RANBP17: variants seen among roughly 807,000 people sequenced by gnomAD.
RANBP17 encodes ran-binding protein 17.
A neutral mutation model predicts 141.2 loss-of-function variants in RANBP17; 158 were observed. The ratio of observed to expected loss-of-function variants is 1.12; its 90% confidence interval spans 0.98 to 1.28. The LOEUF (loss-of-function observed/expected upper bound fraction) is 1.28, where lower values mean the gene tolerates loss of function less well. Ranked by LOEUF, RANBP17 falls within the 50% of genes most tolerant of loss-of-function variation. RANBP17 has a pLI of 0.00. For missense variants in RANBP17, 1,438 were observed against 1,290.7 expected (o/e 1.11, Z -1.75); for synonymous variants, 430 against 450.0 (o/e 0.96, Z 0.56).
intron 14 of RANBP17, among the ~76,000 whole-genome samples, chr5:171,089,526 G>A (rs1480308045): frequency 4.6e-5 from 7 of 152,008 alleles, no homozygotes; most frequent in African/African-American, 1.4e-4. Context: ...ACCTAAGCAA[G>A]CCTGGGCAAT....
intron 14 of RANBP17, among the ~76,000 whole-genome samples, chr5:171,168,862 CT>C (rs893990989): frequency 1.3e-5 from 2 of 151,994 alleles, no homozygotes; most frequent in African/African-American, 2.4e-5. Context: ...CTCTCTCTCT[CT>C]TTCTTCCCCA....
At chr5:171,147,921 G>A (rs1758178298) in intron 14 of RANBP17, among the ~76,000 whole-genome samples, 1 of 152,214 alleles carries the variant, frequency 6.6e-6, no homozygotes, top group Non-Finnish European at 1.5e-5. Context: ...GGGCCATGAT[G>A]ACAATGGCGG....
At chr5:170,862,289 C>T (rs972009964) in intron 1 of RANBP17, among the ~76,000 whole-genome samples, 16 of 149,290 alleles carry the variant, frequency 1.1e-4, no homozygotes, top group Non-Finnish European at 1.8e-4. Flanking sequence ...TTGGAGGCGG[C>T]GGGTGGAGGG....
chr5:171,251,369 C>T (rs779118742), intron 24 of RANBP17, among the ~76,000 whole-genome samples: 1 of 152,020 alleles, frequency 6.6e-6, no homozygotes, highest in African/African-American at 2.4e-5. Context: ...CATGAGCCAC[C>T]GCACCTGGCC....
Position 171,278,063 on chromosome 5 carries a change from A to G in RANBP17, c.2943+12216A>G, listed in dbSNP as rs558267062. Among the ~76,000 whole-genome samples the G allele has an allele frequency of 5.4e-5, 8 of 148,018 alleles. No individual in the cohort carries two copies. The East Asian group carries it at 1.4e-3, about 26-fold the overall frequency. The stretch of plus-strand genomic sequence containing the variant: ...CCCTAGATTTAGAAACTGGCACTTA[A>G]CAGATGCTGGTTGCCAGGCACAGTG... On this transcript the variant is annotated intron_variant, in intron 25 of 27. Transcript: ENST00000523189.
chr5:171,199,572 C>T (rs564372869), intron 18 of RANBP17, 98 bp from the exon 19 acceptor site: 18 of 653,614 alleles, frequency 2.8e-5, no homozygotes, highest in Non-Finnish European at 4.1e-5. Context: ...GACCCCTTCT[C>T]GGGAATATTT....
chr5:171,296,197 C>T (rs1360729259), intron 27 of RANBP17, among the ~76,000 whole-genome samples, 183 bp downstream of exon 27: 2 of 152,162 alleles, frequency 1.3e-5, no homozygotes, highest in Non-Finnish European at 2.9e-5. Flanking sequence ...CTCCAGGCGT[C>T]ATACTAGGCA....
rs1763041509 is a variant in RANBP17, at chr5:171,213,631, G to T, written c.2232G>T (p.Met744Ile). 1 of 1,610,628 alleles carries T rather than the reference G, an allele frequency of 6.2e-7. No homozygotes were observed. The highest frequency in any genetic ancestry group is 1.1e-5 in the South Asian group (1 of 90,964). Residue 744 changes from methionine (M) to isoleucine (I), a missense_variant and splice_region_variant, in exon 21 of 28, where the codon ATG (methionine) becomes ATT (isoleucine). Met to Ile is a conservative substitution (Grantham distance 10). Coordinates refer to ENST00000523189, the MANE Select transcript of RANBP17 (RefSeq NM_022897.5). ...AATTCTTTAACAGGCTTTATAAAAG[G>T]TACCCAACGTACCTTCCCCTTCTTC... is the stretch of plus-strand genomic sequence containing the variant. ...KTSYTMLFDW[M>I]YPTYLPLLQN...
intron 14 of RANBP17, among the ~76,000 whole-genome samples, chr5:170,994,066 A>G (rs571860052): frequency 1.3e-5 from 2 of 151,904 alleles, no homozygotes; most frequent in Non-Finnish European, 2.9e-5. Flanking sequence ...GGAAATACCT[A>G]CTTATGTTTT....
intron 5 of RANBP17, among the ~76,000 whole-genome samples, chr5:170,904,838 C>G (rs1770945289): frequency 6.6e-6 from 1 of 151,950 alleles, no homozygotes; most frequent in South Asian, 2.1e-4. Context: ...TTTAAATTCT[C>G]CTGATTCTGT....
chr5:171,285,316 C>T (rs1304218070), intron 25 of RANBP17, among the ~76,000 whole-genome samples: 1 of 152,196 alleles, frequency 6.6e-6, no homozygotes, highest in Non-Finnish European at 1.5e-5. Flanking sequence ...CCCCCAGAGG[C>T]TGGTATAGGC....
intron 14 of RANBP17, among the ~76,000 whole-genome samples, chr5:171,022,305 A>G (rs1163454622): frequency 2.0e-5 from 3 of 152,196 alleles, no homozygotes; most frequent in African/African-American, 7.2e-5. Context: ...CATTTAATGA[A>G]GCACTTTGTC....
At chr5:171,199,445 A>G (rs1209145969) in intron 18 of RANBP17, among the ~76,000 whole-genome samples, 2 of 151,534 alleles carry the variant, frequency 1.3e-5, no homozygotes, top group Admixed American at 6.6e-5. Flanking sequence ...AGAACCAGGA[A>G]AAAAAAAATG....
At chr5:171,105,306 C>T (rs245777) in intron 14 of RANBP17, among the ~76,000 whole-genome samples, 87,541 of 141,052 alleles carry the variant, frequency 0.62, 28,128 homozygotes, top group South Asian at 0.88. Context: ...GGCGTGAACC[C>T]GGGAGGCGGA....
chr5:171,212,632 A>G (rs1581036082), intron 20 of RANBP17, among the ~76,000 whole-genome samples: 1 of 152,238 alleles, frequency 6.6e-6, no homozygotes, highest in Admixed American at 6.5e-5. Context: ...TGACCTCACC[A>G]TGGAGATTTC....
chr5:171,035,326 T>A (rs997842345), intron 14 of RANBP17, among the ~76,000 whole-genome samples: 2 of 152,126 alleles, frequency 1.3e-5, no homozygotes, highest in African/African-American at 4.8e-5. Flanking sequence ...CATAAGAAAT[T>A]AAACATGATA....
intron 14 of RANBP17, among the ~76,000 whole-genome samples, chr5:171,044,035 A>G (rs1782419482): frequency 6.6e-6 from 1 of 152,140 alleles, no homozygotes; most frequent in Admixed American, 6.6e-5. Flanking sequence ...CATTTCATCT[A>G]ATTTGGTGAA....
At chr5:171,102,256 C>T (rs564349405) in intron 14 of RANBP17, among the ~76,000 whole-genome samples, 26 of 152,300 alleles carry the variant, frequency 1.7e-4, no homozygotes, top group African/African-American at 6.0e-4. Flanking sequence ...GGTCTTTTCA[C>T]ATAGTCCCAT....
rs771546765 is a variant in RANBP17, at chr5:170,916,457, T to A, written c.835-8T>A. ...AAATTGAAATGAAATTTTTTTGGTATTTTTTAGGCACTTTCATGTTTAGTT... is the reference window on the plus strand; with the variant it reads ...AAATTGAAATGAAATTTTTTTGGTAATTTTTAGGCACTTTCATGTTTAGTT... On this transcript the variant is annotated splice_region_variant and splice_polypyrimidine_tract_variant and intron_variant, in intron 8 of 27. Transcript: ENST00000523189. 1.3e-4 allele frequency: 203 copies of A among 1,525,684 alleles called. No individual in the cohort carries two copies. Among genetic ancestry groups the A allele is most frequent in the Non-Finnish European group, 1.7e-4 (192 of 1,132,806 alleles). 94.5% of individuals were successfully genotyped at this position (1,525,684 alleles called of 1,614,324 possible). A position where few individuals can be genotyped will look rare whatever the true frequency, so the allele number is the denominator to read the frequency against.
Sources: allele counts gnomAD v4.1 joint callset (sites outside exome capture counted in the v4.1 genomes callset), GRCh38; gene constraint gnomAD v4.1.1; transcripts MANE v1.5; gene names NCBI Gene and HGNC (gene_info 2026-07-23, HGNC 2026-07-21).